Variants in NBEA observed in about 807,000 individuals in gnomAD.
The protein encoded by NBEA is neurobeachin.
In NBEA, 44 loss-of-function variants were observed where a neutral mutation model predicts 343.4. The ratio of observed to expected loss-of-function variants is 0.13; its 90% CI spans 0.10 to 0.16. NBEA has a LOEUF of 0.16. Ranked by LOEUF, NBEA falls within the 10% of genes least tolerant of loss-of-function variation. NBEA has a pLI of 1.00. For synonymous variants in NBEA, 1,175 were observed against 1,238.7 expected, an observed-to-expected ratio of 0.95 and a Z score of 1.08; for missense variants, 2,555 against 3,631.3, an observed-to-expected ratio of 0.70 and a Z score of 7.62.
rs371782288 is a variant in NBEA, at chr13:35,112,299, G to A, written c.2002+1321G>A. On this transcript the variant is annotated intron_variant, in intron 13 of 58. Coordinates refer to ENST00000379939, the MANE Select transcript of NBEA (RefSeq NM_001385012.1). ...TTATGGCTTCTTCCATTGCTTTTAAGTTAGTAATGCCTAAAATTTATTGGA... is the reference window on the plus strand; with the variant it reads ...TTATGGCTTCTTCCATTGCTTTTAAATTAGTAATGCCTAAAATTTATTGGA... Among the ~76,000 whole-genome samples, 8 of 151,986 alleles carry A rather than the reference G, an allele frequency of 5.3e-5. No homozygotes were observed. The East Asian group carries it at 1.2e-3, about 22-fold the overall frequency.
intron 41 of NBEA, among the ~76,000 whole-genome samples, chr13:35,510,942 T>C (rs2077251916): frequency 1.3e-5 from 2 of 152,192 alleles, no homozygotes; most frequent in African/African-American, 4.8e-5. Context: ...TTCATTTTCC[T>C]CATTTTAATA....
chr13:35,051,502 A>G (rs2063064688), intron 6 of NBEA, among the ~76,000 whole-genome samples: 1 of 152,018 alleles, frequency 6.6e-6, no homozygotes, highest in African/African-American at 2.4e-5. Context: ...TATTTGCTTT[A>G]TATTTAATGT....
chr13:35,619,193 G>A (rs928184944), intron 48 of NBEA, among the ~76,000 whole-genome samples: 3 of 151,804 alleles, frequency 2.0e-5, no homozygotes, highest in Admixed American at 1.3e-4. Flanking sequence ...TCTTATGTAG[G>A]AATTCAAAAT....
At chr13:35,079,110 A>G (rs181743381) in intron 10 of NBEA, among the ~76,000 whole-genome samples, 12 of 152,324 alleles carry the variant, frequency 7.9e-5, no homozygotes, top group Admixed American at 7.8e-4. Flanking sequence ...CCCTGTATGA[A>G]ATAGCAGAAT....
chr13:35,642,927 G>T (rs982204406), intron 49 of NBEA, among the ~76,000 whole-genome samples: 4 of 151,234 alleles, frequency 2.6e-5, no homozygotes, highest in African/African-American at 9.7e-5. Context: ...AATCTAGTAT[G>T]TAGTAGGTAC....
At position 35,253,877 on chromosome 13, in the gene NBEA, G is replaced by A. The variant is rs768473435; in HGVS notation, c.5776+21258G>A. Among the ~76,000 whole-genome samples, 106 of 152,178 alleles carry A rather than the reference G, an allele frequency of 7.0e-4. 1 individual carries two copies. The highest frequency in any genetic ancestry group is 2.4e-3 in the Admixed American group (36 of 15,294). Reference sequence around the variant, plus strand: ...AAAAGAACAGAAGAATGGTATATTGGTATTGTCATTGTCATCTGATATCCT... The same window carrying A: ...AAAAGAACAGAAGAATGGTATATTGATATTGTCATTGTCATCTGATATCCT... On this transcript the variant is annotated intron_variant, in intron 34 of 58. Coordinates refer to ENST00000379939, the MANE Select transcript of NBEA (RefSeq NM_001385012.1).
chr13:35,286,063 C>G (rs1222775472), intron 34 of NBEA, among the ~76,000 whole-genome samples: 1 of 152,064 alleles, frequency 6.6e-6, no homozygotes, highest in African/African-American at 2.4e-5. Context: ...AACTTCTTCT[C>G]CTAGACACAG....
intron 8 of NBEA, among the ~76,000 whole-genome samples, chr13:35,064,537 T>C (rs540221419): frequency 4.6e-5 from 7 of 152,102 alleles, no homozygotes; most frequent in Non-Finnish European, 1.0e-4. Flanking sequence ...GCATATGTTA[T>C]CTTCATTCTC....
intron 45 of NBEA, among the ~76,000 whole-genome samples, chr13:35,570,251 G>A (rs1036039489): frequency 1.1e-4 from 16 of 152,124 alleles, no homozygotes; most frequent in African/African-American, 2.7e-4. Context: ...GGCCAGGCTC[G>A]TCTTGAACTC....
At chr13:35,456,813 T>C (rs2046604953) in intron 40 of NBEA, among the ~76,000 whole-genome samples, 1 of 151,938 alleles carries the variant, frequency 6.6e-6, no homozygotes, top group African/African-American at 2.4e-5. Context: ...GTATATAGGT[T>C]CCTTATTATT....
intron 22 of NBEA, 88 bp from the exon 23 acceptor site, chr13:35,161,662 C>A: frequency 9.6e-7 from 1 of 1,039,984 alleles, no homozygotes; most frequent in Non-Finnish European, 1.4e-6. Flanking sequence ...AGCATTAAAG[C>A]ATTATTCACT....
intron 34 of NBEA, among the ~76,000 whole-genome samples, chr13:35,279,209 T>G (rs1376556011): frequency 1.3e-5 from 2 of 152,198 alleles, no homozygotes; most frequent in African/African-American, 4.8e-5. Flanking sequence ...AGTACTATTT[T>G]GTAAAACATT....
intron 1 of NBEA, among the ~76,000 whole-genome samples, chr13:35,006,930 TG>T (rs1190996701): frequency 2.6e-5 from 4 of 152,210 alleles, no homozygotes; most frequent in African/African-American, 9.6e-5. Flanking sequence ...TTTTTGTATT[TG>T]TGGTAGAGGA....
At chr13:35,491,166 T>C (rs951763916) in intron 41 of NBEA, among the ~76,000 whole-genome samples, 4 of 151,994 alleles carry the variant, frequency 2.6e-5, no homozygotes, top group African/African-American at 4.8e-5. Flanking sequence ...GGTATGTTTG[T>C]TGAATGAATA....
At chr13:34,957,390 C>T (rs1446449188) in intron 1 of NBEA, among the ~76,000 whole-genome samples, 4 of 152,154 alleles carry the variant, frequency 2.6e-5, no homozygotes, top group African/African-American at 9.7e-5. Context: ...AACACTCACA[C>T]ATGTATAATT....
intron 55 of NBEA, among the ~76,000 whole-genome samples, chr13:35,663,576 C>A (rs924046516): frequency 6.6e-4 from 100 of 152,132 alleles, no homozygotes; most frequent in Admixed American, 3.9e-4. Flanking sequence ...GCAGTCAACA[C>A]AGGGGTGCAG....
At chr13:35,417,672 G>C (rs2044005694) in intron 38 of NBEA, among the ~76,000 whole-genome samples, 1 of 152,078 alleles carries the variant, frequency 6.6e-6, no homozygotes, top group Admixed American at 6.6e-5. Flanking sequence ...GATCAATTTT[G>C]GAATAGGTGT....
intron 1 of NBEA, among the ~76,000 whole-genome samples, chr13:34,964,404 G>C (rs1222806001): frequency 1.3e-5 from 2 of 151,908 alleles, no homozygotes; most frequent in Non-Finnish European, 2.9e-5. Context: ...GCCCCTGCCT[G>C]TCTTTCTAGT....
At chr13:35,528,852 G>A (rs2078112869) in intron 41 of NBEA, among the ~76,000 whole-genome samples, 2 of 152,146 alleles carry the variant, frequency 1.3e-5, no homozygotes, top group African/African-American at 4.8e-5. Flanking sequence ...TAGGGAGCAA[G>A]GGTGGTTACT....
Sources: allele counts gnomAD v4.1 joint callset (sites outside exome capture counted in the v4.1 genomes callset), GRCh38; gene constraint gnomAD v4.1.1; transcripts MANE v1.5; gene names NCBI Gene and HGNC (gene_info 2026-07-23, HGNC 2026-07-21).